STAG1: variants seen among roughly 807,000 people sequenced by gnomAD.
The protein encoded by STAG1 is cohesin subunit SA-1.
In STAG1, 26 loss-of-function variants were observed where a neutral mutation model predicts 170.9. The ratio of observed to expected loss-of-function variants is 0.15; its 90% CI spans 0.11 to 0.21. STAG1 has a LOEUF of 0.21. Among genes scored for constraint, STAG1 ranks in the 10% least tolerant of loss-of-function variants. The probability of loss-of-function intolerance (pLI) is 1.00; values close to 1 mark genes in which losing one functional copy is unlikely to be tolerated. For synonymous variants in STAG1, 514 were observed against 497.7 expected, an observed-to-expected ratio of 1.03 and a Z score of -0.44; for missense variants, 964 against 1,509.5, an observed-to-expected ratio of 0.64 and a Z score of 5.99.
chr3:136,355,533 A>G (rs1010457185), intron 28 of STAG1, among the ~76,000 whole-genome samples: 7 of 152,094 alleles, frequency 4.6e-5, no homozygotes, highest in African/African-American at 1.7e-4. Context: ...TAACAAGAAC[A>G]CTGAAGACCT....
intron 1 of STAG1, among the ~76,000 whole-genome samples, chr3:136,686,200 C>CAACTCCAAATTAGTTGGGTGTCACAGT (rs1942515160): frequency 6.6e-6 from 1 of 152,206 alleles, no homozygotes; most frequent in East Asian, 1.9e-4. Flanking sequence ...CCTGGTGCCT[C>CAACTCCAAATTAGTTGGGTGTCACAGT]AACTCCAAAT....
intron 22 of STAG1, among the ~76,000 whole-genome samples, chr3:136,388,007 C>T (rs1295665617): frequency 1.3e-5 from 2 of 152,168 alleles, no homozygotes; most frequent in Non-Finnish European, 2.9e-5. Context: ...ACCTACACTA[C>T]CCATTAAGTA....
intron 16 of STAG1, among the ~76,000 whole-genome samples, chr3:136,426,266 T>A (rs56251259): frequency 6.6e-6 from 1 of 151,692 alleles, no homozygotes; most frequent in Admixed American, 6.6e-5. Context: ...AAAAATTAGC[T>A]GCGTGAGGTG....
At chr3:136,732,115 CAA>C (rs1262666754) in intron 1 of STAG1, among the ~76,000 whole-genome samples, 1 of 151,700 alleles carries the variant, frequency 6.6e-6, no homozygotes, top group African/African-American at 2.4e-5. Flanking sequence ...AGTAATCAAT[CAA>C]AGACACACAG....
intron 7 of STAG1, among the ~76,000 whole-genome samples, chr3:136,508,036 G>A (rs961610710): frequency 6.6e-6 from 1 of 152,186 alleles, no homozygotes; most frequent in Non-Finnish European, 1.5e-5. Flanking sequence ...CCTAATAGGA[G>A]AGGACTGAGT....
In STAG1 at chr3:136,401,974, C is replaced by A. The variant is rs556809139; in HGVS notation, c.2197-3145G>T. 2.0e-5 allele frequency among the ~76,000 whole-genome samples: 3 copies of A among 151,668 alleles called. No individual in the cohort carries two copies. The East Asian group carries it at 5.9e-4, about 30-fold the overall frequency. ...GGTCAGGCTGGTCTCTAACTCCTGA[C>A]CTCAGGTGATCCACCCGCCTCGACC... On this transcript the variant is annotated intron_variant, in intron 21 of 33. Coordinates refer to ENST00000383202, the MANE Select transcript of STAG1 (RefSeq NM_005862.3).
chr3:136,562,829 C>A (rs1222511855), intron 5 of STAG1, among the ~76,000 whole-genome samples: 1 of 151,998 alleles, frequency 6.6e-6, no homozygotes, highest in African/African-American at 2.4e-5. Flanking sequence ...CTCAGGTGAT[C>A]TGCCCGCCTC....
chr3:136,503,407 T>C (rs1432572370), intron 7 of STAG1, among the ~76,000 whole-genome samples: 1 of 152,246 alleles, frequency 6.6e-6, no homozygotes, highest in Non-Finnish European at 1.5e-5. Context: ...AAACGTTCAC[T>C]TGTATTTGTA....
At chr3:136,670,385 C>T (rs1341374275) in intron 1 of STAG1, among the ~76,000 whole-genome samples, 1 of 152,058 alleles carries the variant, frequency 6.6e-6, no homozygotes. Context: ...CCAACAAGAC[C>T]CTAATTTAAT....
chr3:136,748,599 TCGGCCA>T (rs62824161), intron 1 of STAG1, among the ~76,000 whole-genome samples: 94,881 of 151,044 alleles, frequency 0.63, 32,576 homozygotes, highest in African/African-American at 0.9. Context: ...TTTCACCATG[TCGGCCA>T]CGGCCAAGCT....
intron 4 of STAG1, among the ~76,000 whole-genome samples, chr3:136,585,906 C>A (rs1937793622): frequency 6.6e-6 from 1 of 152,136 alleles, no homozygotes; most frequent in Non-Finnish European, 1.5e-5. Context: ...ATACATGATT[C>A]AAGTCAGTGT....
intron 5 of STAG1, among the ~76,000 whole-genome samples, chr3:136,544,811 A>G (rs535799905): frequency 1.2e-4 from 18 of 152,224 alleles, no homozygotes; most frequent in Non-Finnish European, 2.2e-4. Context: ...GCTTACCTCA[A>G]ATTACTGAAG....
rs543724464 is a variant in STAG1 at position 136,527,892 on chromosome 3, G to T, written c.472-6475C>A. 5.3e-5 allele frequency among the ~76,000 whole-genome samples: 8 copies of T among 152,324 alleles called. No homozygotes were observed. The East Asian group carries it at 1.2e-3, about 22-fold the overall frequency. ...CTGGGTATCAGCAGCGGATGCTGCA[G>T]AACAGTGAATATTGCTGAACAGCAA... On this transcript the variant is annotated intron_variant, in intron 6 of 33. Transcript: ENST00000383202.
intron 5 of STAG1, among the ~76,000 whole-genome samples, chr3:136,547,120 G>C (rs1936185801): frequency 6.6e-6 from 1 of 152,128 alleles, no homozygotes; most frequent in African/African-American, 2.4e-5. Context: ...AATTCCTATA[G>C]CATTTTTAAA....
chr3:136,711,217 C>CA (rs1164862305), intron 1 of STAG1, among the ~76,000 whole-genome samples: 2 of 152,018 alleles, frequency 1.3e-5, no homozygotes, highest in Non-Finnish European at 2.9e-5. Flanking sequence ...TAATCCCAAC[C>CA]AAAAGTCCAA....
chr3:136,682,136 CA>C (rs1942356852), intron 1 of STAG1, among the ~76,000 whole-genome samples: 1 of 152,082 alleles, frequency 6.6e-6, no homozygotes, highest in Non-Finnish European at 1.5e-5. Context: ...AAGAAATCTA[CA>C]GATTTCTCTA....
intron 7 of STAG1, among the ~76,000 whole-genome samples, chr3:136,509,787 T>C (rs1933954465): frequency 6.6e-6 from 1 of 152,186 alleles, no homozygotes; most frequent in Non-Finnish European, 1.5e-5. Flanking sequence ...AACCAACAAT[T>C]TGCATTTCTG....
intron 7 of STAG1, among the ~76,000 whole-genome samples, chr3:136,504,149 ACT>A (rs1933637365): frequency 6.6e-6 from 1 of 152,064 alleles, no homozygotes; most frequent in Non-Finnish European, 1.5e-5. Flanking sequence ...TTATTCGGAA[ACT>A]CTATCTACAT....
chr3:136,472,486 T>C lies in STAG1; in HGVS notation c.1132A>G (p.Ile378Val), dbSNP rs1467330352. 3 of 1,611,300 alleles carry C rather than the reference T, an allele frequency of 1.9e-6. No homozygotes were observed. Among genetic ancestry groups the C allele is most frequent in the African/African-American group, 1.3e-5 (1 of 74,790 alleles). Residue 378 changes from isoleucine (I) to valine (V), a missense_variant, in exon 12 of 34, where the codon ATT becomes GTT. Physicochemically the swap from Ile to Val is conservative, Grantham distance 29. Around this residue, in one of 11 missense-constraint regions of STAG1, gnomAD observed 162 missense variants for 211.2 expected, o/e 0.77. Transcript: ENST00000383202. ...TCTTTATCAAGTGTCATTGATACAA[T>C]GCGATCCTGAGAAAAAAAAGTTGTA... ...ELFTNRFKDR[I>V]VSMTLDKEYD...
Sources: allele counts gnomAD v4.1 joint callset (sites outside exome capture counted in the v4.1 genomes callset), GRCh38; gene constraint gnomAD v4.1.1; regional missense constraint gnomAD v4.1.1; transcripts MANE v1.5; gene names NCBI Gene and HGNC (gene_info 2026-07-23, HGNC 2026-07-21).